Variants in PITRM1 observed in about 807,000 individuals in gnomAD.
PITRM1 encodes the protein presequence protease, mitochondrial.
Under a neutral mutation model 129.9 loss-of-function variants are expected in PITRM1, and 100 were observed. That is an observed-to-expected ratio of 0.77 (90% confidence interval 0.65 to 0.91). The LOEUF (loss-of-function observed/expected upper bound fraction) is 0.91. Among genes scored for constraint, PITRM1 ranks in the 40% least tolerant of loss-of-function variants. The probability of loss-of-function intolerance (pLI) is 0.00; values close to 1 mark genes in which losing one functional copy is unlikely to be tolerated. For synonymous variants in PITRM1, 591 were observed against 508.8 expected (o/e 1.16, Z -2.17); for missense variants, 1,471 against 1,318.3 (o/e 1.12, Z -1.79).
chr10:3,172,175 CTATT>C, intron 1 of PITRM1: 1 of 456,446 alleles, frequency 2.2e-6, no homozygotes. Context: ...CAGCGCTGAA[CTATT>C]ACCTTATATT....
Position 3,155,623 on chromosome 10 carries a change from G to A in PITRM1, c.1589C>T (p.Ser530Phe), listed in dbSNP as rs1356363310. ...TKLKQKVEAL[S>F]PGDRQQIYEK... ...GTAGATCTGCTGCCTGTCTCCGGGG[G>A]ACAGAGCCTCGACCTTCTGCTTGAG... is the stretch of plus-strand genomic sequence containing the variant. Residue 530 changes from serine to phenylalanine, a missense_variant, in exon 14 of 27, where the codon TCC (serine) becomes TTC (phenylalanine). Ser to Phe is a radical substitution (Grantham distance 155, BLOSUM62 -2). Transcript: ENST00000224949. 4 of 1,613,894 alleles carry A rather than the reference G, an allele frequency of 2.5e-6. No homozygotes were observed. The highest frequency in any genetic ancestry group is 1.1e-5 in the South Asian group (1 of 91,076).
chr10:3,162,372 G>C (rs1842529354), intron 7 of PITRM1, among the ~76,000 whole-genome samples: 1 of 152,150 alleles, frequency 6.6e-6, no homozygotes, highest in African/African-American at 2.4e-5. Context: ...TACAGAACTA[G>C]AAAACTTCGC....
chr10:3,147,857 T>C, intron 18 of PITRM1, 120 bp from the exon 19 acceptor site: 1 of 1,172,884 alleles, frequency 8.5e-7, no homozygotes, highest in Non-Finnish European at 1.2e-6. Context: ...TATAAGTCCA[T>C]ATGAACTACA....
intron 4 of PITRM1, 50 bp downstream of exon 4, chr10:3,166,179 G>A (rs1842843073): frequency 2.7e-6 from 4 of 1,462,548 alleles, no homozygotes; most frequent in Non-Finnish European, 2.7e-6. Context: ...ATTCCAGTGG[G>A]TGTGCCTGGC....
chr10:3,165,545 G>C lies in PITRM1; in HGVS notation c.419-18C>G. ...ATCACTAGCTGGGTACAAATGAAAA[G>C]TGAAATTGTAAAATATAACAGATTT... On this transcript the variant is annotated intron_variant, in intron 4 of 26. Transcript: ENST00000224949. 4.4e-6 allele frequency: 6 copies of C among 1,350,340 alleles called. No individual in the cohort carries two copies. Among genetic ancestry groups the C allele is most frequent in the Non-Finnish European group, 5.3e-6 (5 of 944,568 alleles). The allele number at this position is 1,350,340 out of a possible 1,614,324, so 83.6% of individuals were successfully genotyped here.
At chr10:3,166,085 A>C (rs1842835357) in intron 4 of PITRM1, 144 bp downstream of exon 4, 6 of 602,314 alleles carry the variant, frequency 1.0e-5, no homozygotes, top group East Asian at 8.7e-5. Flanking sequence ...TTAAATTTCT[A>C]ATGTCCTTCA....
Position 3,165,306 on chromosome 10 carries a change from T to G in PITRM1, c.562A>C (p.Asn188His). 1 of 1,591,086 alleles carries G rather than the reference T, an allele frequency of 6.3e-7. No individual in the cohort carries two copies. Among genetic ancestry groups the G allele is most frequent in the Non-Finnish European group, 8.6e-7 (1 of 1,168,882 alleles). The change falls in exon 6 of 27, where the codon AAT becomes CAT. Residue 188 changes from asparagine (N) to histidine (H), a missense_variant. By Grantham distance (68) the Asn-to-His change is moderately conservative (BLOSUM62 1). Coordinates refer to ENST00000224949, the MANE Select transcript of PITRM1 (RefSeq NM_014889.4). ...WQEGWRLEHE[N>H]PSDPQTPLVF... ...AAGGGCGTCTGGGGGTCGCTCGGAT[T>G]CTCATGTTCCAGCCGCCATCCTTCC...
intron 10 of PITRM1, 68 bp downstream of exon 10, chr10:3,158,846 C>A: frequency 6.9e-7 from 1 of 1,446,748 alleles, no homozygotes; most frequent in Non-Finnish European, 9.6e-7. Context: ...GGACAGGGTG[C>A]GGAGGTGGAG....
intron 15 of PITRM1, among the ~76,000 whole-genome samples, chr10:3,150,815 C>A (rs1841446602): frequency 6.6e-6 from 1 of 152,150 alleles, no homozygotes. Context: ...TAAACCTGGT[C>A]TCCAACTTCC....
chr10:3,140,335 G>A (rs1027041781), intron 24 of PITRM1, among the ~76,000 whole-genome samples: 5 of 152,178 alleles, frequency 3.3e-5, no homozygotes, highest in African/African-American at 1.2e-4. Context: ...AACTTAGGAA[G>A]TGTTTATGTC....
chr10:3,144,630 C>A (rs889949342), intron 21 of PITRM1, among the ~76,000 whole-genome samples: 1 of 152,074 alleles, frequency 6.6e-6, no homozygotes, highest in African/African-American at 2.4e-5. Flanking sequence ...TAGTGAGCTC[C>A]CATCTCAACA....
chr10:3,164,862 TCCC>T (rs1383315970), intron 6 of PITRM1, among the ~76,000 whole-genome samples: 1 of 152,300 alleles, frequency 6.6e-6, no homozygotes, highest in Admixed American at 6.5e-5. Context: ...GAAGCTGGAC[TCCC>T]CCATTTGCTC....
At chr10:3,165,647 G>A in intron 4 of PITRM1, 120 bp from the exon 5 acceptor site, 1 of 669,032 alleles carries the variant, frequency 1.5e-6, no homozygotes, top group Non-Finnish European at 2.6e-6. Context: ...CTTGGGATGG[G>A]GCAGTGGCCC....
chr10:3,172,730 GCCTCAGCA>G lies in PITRM1; in HGVS notation c.35_42del (p.Val12AlafsTer17). 6.5e-7 allele frequency: 1 copy of G among 1,542,670 alleles called. No homozygotes were observed. The highest frequency in any genetic ancestry group is 8.7e-7 in the Non-Finnish European group (1 of 1,144,132). ...GCAGCGTCTCACCCGCCGCTCAGCC[GCCTCAGCA>G]CACACAGGCCCTGCCGCCCGCCGCA... On this transcript the variant is annotated frameshift_variant, in exon 1 of 27. Transcript: ENST00000224949. LOFTEE classifies it high-confidence loss of function.
intron 14 of PITRM1, among the ~76,000 whole-genome samples, chr10:3,153,770 C>T (rs1588675996): frequency 6.6e-6 from 1 of 152,252 alleles, no homozygotes; most frequent in South Asian, 2.1e-4. Flanking sequence ...GAGTCACTTA[C>T]TTTCCACCTA....
intron 7 of PITRM1, 129 bp from the exon 8 acceptor site, chr10:3,160,459 C>T: frequency 2.8e-6 from 2 of 719,880 alleles, no homozygotes; most frequent in Non-Finnish European, 4.6e-6. Context: ...GTTTCAGTCA[C>T]CCTTACTCAA....
chr10:3,145,323 C>G, intron 21 of PITRM1: 1 of 405,828 alleles, frequency 2.5e-6, no homozygotes, highest in Non-Finnish European at 4.4e-6. Flanking sequence ...CGTATTCCAG[C>G]CAAAGTCTGT....
chr10:3,139,157 AT>A, intron 24 of PITRM1, 108 bp from the exon 25 acceptor site: 2 of 909,800 alleles, frequency 2.2e-6, no homozygotes, highest in Non-Finnish European at 3.4e-6. Context: ...TAACAGCTCT[AT>A]TTTATATCTG....
Position 3,172,711 on chromosome 10 carries a change from T to G in PITRM1, c.56+6A>C. On this transcript the variant is annotated splice_donor_region_variant and intron_variant, in intron 1 of 26. Coordinates refer to ENST00000224949, the MANE Select transcript of PITRM1 (RefSeq NM_014889.4). ...GCGCCGAGCGCCTCCCGTCGCAGCG[T>G]CTCACCCGCCGCTCAGCCGCCTCAG... The G allele has an allele frequency of 6.5e-7, 1 of 1,538,196 alleles. No homozygotes were observed. Among genetic ancestry groups the G allele is most frequent in the Middle Eastern group, 1.7e-4 (1 of 5,900 alleles).
Sources: gnomAD v4.1 joint callset for allele counts (sites outside exome capture counted in the v4.1 genomes callset) on GRCh38, gnomAD v4.1.1 for gene constraint, MANE v1.5 for transcripts, NCBI Gene and HGNC (gene_info 2026-07-23, HGNC 2026-07-21) for gene names.